Variants in EPHB2 observed in about 807,000 individuals in gnomAD.
EPHB2 encodes ephrin type-B receptor 2.
In EPHB2, 18 loss-of-function variants were observed where a neutral mutation model predicts 96.4. That is an observed-to-expected ratio of 0.19 (90% CI 0.13 to 0.28). The LOEUF (loss-of-function observed/expected upper bound fraction) is 0.28. Among genes scored for constraint, EPHB2 ranks in the 10% least tolerant of loss-of-function variants. The pLI, the probability that EPHB2 is intolerant of heterozygous loss-of-function variation, is 1.00. For synonymous variants in EPHB2, 506 were observed against 534.1 expected (o/e 0.95, Z 0.72); for missense variants, 989 against 1,355.4 (o/e 0.73, Z 4.25).
chr1:22,872,255 A>G (rs987083721), intron 5 of EPHB2, among the ~76,000 whole-genome samples: 1 of 152,114 alleles, frequency 6.6e-6, no homozygotes, highest in Non-Finnish European at 1.5e-5. Context: ...CTGACATCTC[A>G]GAAGCAGCAG....
At chr1:22,825,867 A>G (rs998424297) in intron 3 of EPHB2, among the ~76,000 whole-genome samples, 6 of 152,194 alleles carry the variant, frequency 3.9e-5, no homozygotes, top group African/African-American at 1.2e-4. Flanking sequence ...GAGTTAGACA[A>G]ATGAGGATCG....
chr1:22,835,228 A>C (rs1645362541), intron 3 of EPHB2, among the ~76,000 whole-genome samples: 1 of 152,082 alleles, frequency 6.6e-6, no homozygotes, highest in Non-Finnish European at 1.5e-5. Context: ...AAACATACAA[A>C]AATTAGCTGG....
At chr1:22,852,152 T>C (rs2148510309) in intron 3 of EPHB2, among the ~76,000 whole-genome samples, 1 of 152,308 alleles carries the variant, frequency 6.6e-6, no homozygotes, top group East Asian at 1.9e-4. Flanking sequence ...CCCCAGTGCC[T>C]AGCACGTGGT....
intron 1 of EPHB2, among the ~76,000 whole-genome samples, chr1:22,719,199 A>T (rs908227681): frequency 6.6e-6 from 1 of 152,148 alleles, no homozygotes; most frequent in Non-Finnish European, 1.5e-5. Context: ...CAAATACAAT[A>T]GCTCATCAGG....
At chr1:22,799,990 TG>T (rs1327006727) in intron 3 of EPHB2, among the ~76,000 whole-genome samples, 2 of 152,224 alleles carry the variant, frequency 1.3e-5, no homozygotes, top group African/African-American at 2.4e-5. Context: ...GAGTGGTCAC[TG>T]GCGTGTCTGT....
intron 3 of EPHB2, among the ~76,000 whole-genome samples, chr1:22,816,836 G>A (rs1288713733): frequency 6.6e-6 from 1 of 152,210 alleles, no homozygotes; most frequent in Admixed American, 6.5e-5. Flanking sequence ...GGTCACCCTG[G>A]GGGAGATGGG....
chr1:22,891,445 G>T (rs1472725548), intron 6 of EPHB2, among the ~76,000 whole-genome samples: 1 of 152,234 alleles, frequency 6.6e-6, no homozygotes, highest in Admixed American at 6.5e-5. Context: ...ATCCTCACAT[G>T]CTTACTTTTC....
intron 3 of EPHB2, among the ~76,000 whole-genome samples, chr1:22,787,664 G>A (rs1644631950): frequency 6.6e-6 from 1 of 152,182 alleles, no homozygotes; most frequent in Admixed American, 6.5e-5. Context: ...GGCTGAGGTG[G>A]GAGGATCGCT....
chr1:22,737,280 A>C (rs1643852259), intron 1 of EPHB2, among the ~76,000 whole-genome samples: 1 of 152,096 alleles, frequency 6.6e-6, no homozygotes, highest in African/African-American at 2.4e-5. Context: ...TGAGTCTTCT[A>C]AACTGCAGCT....
intron 1 of EPHB2, among the ~76,000 whole-genome samples, chr1:22,748,121 A>G (rs1644003650): frequency 1.3e-5 from 2 of 152,202 alleles, no homozygotes; most frequent in Admixed American, 1.3e-4. Context: ...CATCTGTAAA[A>G]TGGAGCAAGT....
intron 3 of EPHB2, among the ~76,000 whole-genome samples, chr1:22,796,946 A>C (rs1335332275): frequency 6.6e-6 from 1 of 152,264 alleles, no homozygotes. Flanking sequence ...CCAGAAGTGA[A>C]ATCCAAAGCC....
intron 1 of EPHB2, among the ~76,000 whole-genome samples, chr1:22,728,351 G>A (rs943377301): frequency 6.6e-6 from 1 of 152,224 alleles, no homozygotes; most frequent in African/African-American, 2.4e-5. Flanking sequence ...CCTGAGGTGT[G>A]GAATTGGTAT....
chr1:22,741,129 C>G (rs894646516), intron 1 of EPHB2, among the ~76,000 whole-genome samples: 1 of 152,040 alleles, frequency 6.6e-6, no homozygotes. Context: ...CCACCCCTGC[C>G]CCGACCCCTG....
chr1:22,820,159 C>T (rs188137179), intron 3 of EPHB2, among the ~76,000 whole-genome samples: 22 of 152,250 alleles, frequency 1.4e-4, no homozygotes, highest in Admixed American at 9.2e-4. Flanking sequence ...TAAGATCACA[C>T]GGTTAATAAA....
chr1:22,891,065 A>G lies in EPHB2; in HGVS notation c.1429-1819A>G, dbSNP rs1639374627. ...CTATCAGTGTGAGCCTGTTATACCT[A>G]TTGATTCATTTTATTATCTGAACAA... On this transcript the variant is annotated intron_variant, in intron 6 of 15. Transcript: ENST00000374630. The G allele has an allele frequency of 6.6e-6, 3 of 455,976 alleles. No individual in the cohort carries two copies. In the Admixed American group the frequency reaches 7.0e-5, roughly 11 times the overall value. The allele number at this position is 455,976 out of a possible 1,614,324, so 28.2% of individuals were successfully genotyped here.
At position 22,858,857 on chromosome 1, in the gene EPHB2, G is replaced by A. The variant is rs551638122; in HGVS notation, c.812-4180G>A. On this transcript the variant is annotated intron_variant, in intron 3 of 15. Transcript: ENST00000374630. The surrounding 1 kb of genome is among the most constrained non-coding windows in gnomAD (Gnocchi z 7.7). ...AATGTCAACTAAGGGGGTGGGGCTC[G>A]ATCCCCTTCCAGCCCCTCATTCATC... 6.7e-4 allele frequency among the ~76,000 whole-genome samples: 102 copies of A among 152,320 alleles called. No individual in the cohort carries two copies. Among genetic ancestry groups the A allele is most frequent in the Non-Finnish European group, 1.2e-3 (82 of 68,018 alleles).
intron 5 of EPHB2, among the ~76,000 whole-genome samples, chr1:22,881,572 T>C (rs368289355): frequency 6.6e-6 from 1 of 151,678 alleles, no homozygotes; most frequent in African/African-American, 2.4e-5. Flanking sequence ...TAAAATCAAA[T>C]GAGGGAATTG....
chr1:22,879,352 A>G (rs1638954238), intron 5 of EPHB2, among the ~76,000 whole-genome samples: 1 of 152,166 alleles, frequency 6.6e-6, no homozygotes, highest in South Asian at 2.1e-4. Context: ...GACACTCCAG[A>G]AGGGCCTTAT....
rs893362413 is a variant in EPHB2 at position 22,858,321 on chromosome 1, G to A, written c.812-4716G>A. Among the ~76,000 whole-genome samples, 2 of 152,176 alleles carry A rather than the reference G, an allele frequency of 1.3e-5. No homozygotes were observed. Among genetic ancestry groups the A allele is most frequent in the African/African-American group, 4.8e-5 (2 of 41,446 alleles). On this transcript the variant is annotated intron_variant, in intron 3 of 15. Transcript: ENST00000374630. This position sits in a 1 kb window ranked among gnomAD's most constrained non-coding sequence, Gnocchi z 7.7. Reference sequence around the variant, plus strand: ...GTGGGTCTATTCTAAGTGCAGTGGGGATAAATGGTGCACGAGGGAGTTTAG... The same window carrying A: ...GTGGGTCTATTCTAAGTGCAGTGGGAATAAATGGTGCACGAGGGAGTTTAG...
Sources: allele counts gnomAD v4.1 joint callset (sites outside exome capture counted in the v4.1 genomes callset), GRCh38; gene constraint gnomAD v4.1.1; non-coding constraint Gnocchi (gnomAD v3.1); transcripts MANE v1.5; gene names NCBI Gene and HGNC (gene_info 2026-07-23, HGNC 2026-07-21).